LRRK1: variants seen among roughly 807,000 people sequenced by gnomAD.
LRRK1 encodes the protein leucine rich repeat kinase 1, also known as leucine-rich repeat serine/threonine-protein kinase 1.
In LRRK1, 113 loss-of-function variants were observed where a neutral mutation model predicts 209.1. The ratio of observed to expected loss-of-function variants is 0.54; its 90% CI spans 0.46 to 0.63. LRRK1 has a LOEUF of 0.63. Ranked by LOEUF, LRRK1 falls within the 30% of genes least tolerant of loss-of-function variation. LRRK1 has a pLI of 0.00. For synonymous variants in LRRK1, 1,144 were observed against 1,099.7 expected (o/e 1.04, Z -0.80); for missense variants, 2,284 against 2,632.2 (o/e 0.87, Z 2.89).
intron 20 of LRRK1, among the ~76,000 whole-genome samples, chr15:101,037,432 AG>A (rs931878865): frequency 2.0e-5 from 3 of 152,140 alleles, no homozygotes; most frequent in African/African-American, 7.2e-5. Flanking sequence ...GCTCTGGCAC[AG>A]GGGCCAGGGG....
intron 2 of LRRK1, among the ~76,000 whole-genome samples, chr15:100,959,689 A>AT (rs904128422): frequency 2.0e-5 from 3 of 152,196 alleles, no homozygotes; most frequent in African/African-American, 7.2e-5. Flanking sequence ...TTGTGTATGT[A>AT]TTTTTTTATT....
intron 4 of LRRK1, among the ~76,000 whole-genome samples, chr15:100,986,150 C>G (rs2141666865): frequency 6.6e-6 from 1 of 152,220 alleles, no homozygotes; most frequent in South Asian, 2.1e-4. Flanking sequence ...AGGCTGCAGT[C>G]AGCTATGATC....
At chr15:100,987,989 T>A (rs1270051495) in intron 4 of LRRK1, among the ~76,000 whole-genome samples, 1 of 152,130 alleles carries the variant, frequency 6.6e-6, no homozygotes, top group African/African-American at 2.4e-5. Context: ...CCATTTTTAA[T>A]CCTCCATTTC....
At chr15:101,061,551 G>C (rs1296772042) in intron 30 of LRRK1, among the ~76,000 whole-genome samples, 1 of 152,242 alleles carries the variant, frequency 6.6e-6, no homozygotes, top group African/African-American at 2.4e-5. Flanking sequence ...ACCCTCAGCA[G>C]GAGACGAGAC....
chr15:100,951,964 A>AAAT (rs568822120), intron 2 of LRRK1, among the ~76,000 whole-genome samples: 24,303 of 146,400 alleles, frequency 0.17, 2,498 homozygotes, highest in Admixed American at 0.23. Flanking sequence ...AGAAAAAAAA[A>AAAT]AATAATAATA....
chr15:101,049,841 G>A (rs923375630), intron 23 of LRRK1, 58 bp downstream of exon 23: 4 of 1,555,428 alleles, frequency 2.6e-6, no homozygotes, highest in Non-Finnish European at 3.5e-6. Flanking sequence ...TATGAATCAG[G>A]GTGGGGCTGC....
chr15:100,943,945 T>C (rs1360314036), intron 2 of LRRK1, among the ~76,000 whole-genome samples: 1 of 152,160 alleles, frequency 6.6e-6, no homozygotes, highest in Non-Finnish European at 1.5e-5. Context: ...CCCAAAGTGC[T>C]GGGATTACAG....
intron 2 of LRRK1, among the ~76,000 whole-genome samples, chr15:100,962,136 G>C (rs543964743): frequency 6.6e-6 from 1 of 151,468 alleles, no homozygotes; most frequent in Non-Finnish European, 1.5e-5. Flanking sequence ...TTAACATTTT[G>C]CTGGACATAC....
intron 2 of LRRK1, among the ~76,000 whole-genome samples, chr15:100,956,083 T>A (rs1328190777): frequency 6.6e-6 from 1 of 152,218 alleles, no homozygotes; most frequent in Non-Finnish European, 1.5e-5. Flanking sequence ...TTTAAACGTT[T>A]GGTAGAATTC....
chr15:100,938,789 G>T (rs2042348980), intron 2 of LRRK1, among the ~76,000 whole-genome samples: 1 of 152,138 alleles, frequency 6.6e-6, no homozygotes, highest in African/African-American at 2.4e-5. Context: ...GGAGACCCAG[G>T]CTGGACCCTT....
At chr15:100,937,812 G>A (rs886275515) in intron 2 of LRRK1, among the ~76,000 whole-genome samples, 3 of 151,838 alleles carry the variant, frequency 2.0e-5, no homozygotes, top group African/African-American at 4.8e-5. Flanking sequence ...TGGGATTACC[G>A]GCGTGAGCCA....
At chr15:101,048,268 C>T (rs2035200446) in intron 21 of LRRK1, among the ~76,000 whole-genome samples, 1 of 152,154 alleles carries the variant, frequency 6.6e-6, no homozygotes, top group African/African-American at 2.4e-5. Context: ...AAAGGAAAGC[C>T]TATTTTTCAA....
At chr15:100,990,205 T>C (rs1330712759) in intron 6 of LRRK1, among the ~76,000 whole-genome samples, 1 of 152,254 alleles carries the variant, frequency 6.6e-6, no homozygotes, top group Non-Finnish European at 1.5e-5. Context: ...AAATTTAGTA[T>C]TCTATCATGG....
chr15:100,970,115 C>T (rs1344775922), intron 2 of LRRK1, among the ~76,000 whole-genome samples: 2 of 152,160 alleles, frequency 1.3e-5, no homozygotes, highest in African/African-American at 4.8e-5. Flanking sequence ...GTCTCGTACT[C>T]CTGGCCTCAG....
chr15:100,960,071 G>A (rs559072935), intron 2 of LRRK1, among the ~76,000 whole-genome samples: 1 of 152,198 alleles, frequency 6.6e-6, no homozygotes, highest in Non-Finnish European at 1.5e-5. Flanking sequence ...TAGTAATAGA[G>A]AAATAACTGG....
chr15:100,977,760 A>G (rs944027059), intron 3 of LRRK1, among the ~76,000 whole-genome samples: 10 of 152,176 alleles, frequency 6.6e-5, no homozygotes, highest in Non-Finnish European at 2.9e-5. Flanking sequence ...CTGCCAACAC[A>G]CAAGATTGAA....
intron 2 of LRRK1, among the ~76,000 whole-genome samples, chr15:100,926,087 G>A (rs928071210): frequency 1.2e-4 from 19 of 152,182 alleles, no homozygotes; most frequent in Non-Finnish European, 2.4e-4. Flanking sequence ...GGAAGGTGTC[G>A]TTTCACATCC....
rs1567298545 is a variant in LRRK1 at position 101,070,929 on chromosome 15, A to G, written c.*2081A>G. The G allele has an allele frequency of 6.6e-6, 1 of 152,192 alleles. No homozygotes were observed. The highest frequency in any genetic ancestry group is 6.5e-5 in the Admixed American group (1 of 15,282). The allele number at this position is 152,192 out of a possible 1,614,324, so 9.4% of individuals were successfully genotyped here. ...ATTGCAACACAAATGAGAGACAAAGACCTCACTTATCTTCATTACAGAGAG... is the reference window on the plus strand; with the variant it reads ...ATTGCAACACAAATGAGAGACAAAGGCCTCACTTATCTTCATTACAGAGAG... On this transcript the variant is annotated 3_prime_UTR_variant, in exon 34 of 34. Coordinates refer to ENST00000388948, the MANE Select transcript of LRRK1 (RefSeq NM_024652.6).
rs1010263288 is a variant in LRRK1 at position 101,024,633 on chromosome 15, C to T, written c.2068-170C>T. On this transcript the variant is annotated intron_variant, in intron 15 of 33. Transcript: ENST00000388948. This position sits in a 1 kb window ranked among gnomAD's most constrained non-coding sequence, Gnocchi z 4.6. ...CCCCCATGCCACCGGGCCCCTGTCC[C>T]TCGCCCAGATAACTGTTTCCTAAGA... Among the ~76,000 whole-genome samples the T allele has an allele frequency of 2.0e-5, 3 of 152,240 alleles. No individual in the cohort carries two copies. Among genetic ancestry groups the T allele is most frequent in the East Asian group, 3.8e-4 (2 of 5,202 alleles).
Sources: allele counts gnomAD v4.1 joint callset (sites outside exome capture counted in the v4.1 genomes callset), GRCh38; gene constraint gnomAD v4.1.1; non-coding constraint Gnocchi (gnomAD v3.1); transcripts MANE v1.5; gene names NCBI Gene and HGNC (gene_info 2026-07-23, HGNC 2026-07-21).